The following IL1RAPL1 variants were observed in gnomAD, a reference collection of about 807,000 sequenced individuals.
IL1RAPL1 encodes the protein interleukin 1 receptor accessory protein like 1, also known as interleukin-1 receptor accessory protein-like 1.
Under a neutral mutation model 48.4 loss-of-function variants are expected in IL1RAPL1, and 3 were observed. That is an observed-to-expected ratio of 0.06 (90% CI 0.03 to 0.16). IL1RAPL1 has a LOEUF of 0.16. IL1RAPL1 is among the 10% of genes least tolerant of loss of function. IL1RAPL1 has a pLI of 1.00. For synonymous variants in IL1RAPL1, 185 were observed against 187.7 expected (o/e 0.99, Z 0.12); for missense variants, 349 against 530.6 (o/e 0.66, Z 3.36).
chrX:29,208,941 T>G (rs979001383), intron 2 of IL1RAPL1, among the ~76,000 whole-genome samples: 2 of 109,982 alleles, frequency 1.8e-5, no homozygotes, highest in Non-Finnish European at 3.8e-5. Flanking sequence ...ATTTTTCCCA[T>G]TTGACAATTG....
chrX:29,226,222 T>A (rs764501984), intron 2 of IL1RAPL1, among the ~76,000 whole-genome samples: 2 of 111,635 alleles, frequency 1.8e-5, no homozygotes, highest in Non-Finnish European at 3.8e-5. Flanking sequence ...TAGAATGATA[T>A]CTTTTCATAC....
chrX:29,294,922 A>G (rs1932427471), intron 3 of IL1RAPL1, among the ~76,000 whole-genome samples: 1 of 111,854 alleles, frequency 8.9e-6, no homozygotes, highest in African/African-American at 3.2e-5. Flanking sequence ...CTTCAATGCC[A>G]AGAAATATCA....
chrX:29,866,072 AC>A (rs1201244307), intron 6 of IL1RAPL1, among the ~76,000 whole-genome samples: 1 of 111,177 alleles, frequency 9.0e-6, no homozygotes, highest in Non-Finnish European at 1.9e-5. Context: ...AATATAGAGC[AC>A]TCTGCTTTGG....
intron 1 of IL1RAPL1, among the ~76,000 whole-genome samples, chrX:28,766,611 G>A (rs1412146406): frequency 3.6e-5 from 4 of 110,540 alleles, no homozygotes; most frequent in African/African-American, 1.3e-4. Context: ...CCACCCTGTT[G>A]TGCTATCACA....
chrX:29,688,330 C>G (rs937987783), intron 6 of IL1RAPL1, among the ~76,000 whole-genome samples: 27 of 110,966 alleles, frequency 2.4e-4, no homozygotes, highest in African/African-American at 8.2e-4. Flanking sequence ...CCGCACCAGT[C>G]CAACCTCTGC....
chrX:29,518,033 A>G (rs1935465497), intron 5 of IL1RAPL1, among the ~76,000 whole-genome samples: 1 of 111,744 alleles, frequency 8.9e-6, no homozygotes. Context: ...TATTCTGGCC[A>G]TATGACCTCT....
intron 1 of IL1RAPL1, among the ~76,000 whole-genome samples, chrX:28,697,577 A>C (rs1935248056): frequency 9.0e-6 from 1 of 111,694 alleles, no homozygotes; most frequent in Non-Finnish European, 1.9e-5. Context: ...TCCAGATGGA[A>C]GGACAGTTGT....
chrX:29,100,969 G>C (rs1350406281), intron 2 of IL1RAPL1, among the ~76,000 whole-genome samples: 1 of 111,718 alleles, frequency 9.0e-6, no homozygotes, highest in East Asian at 2.8e-4. Flanking sequence ...GGTATACAAT[G>C]GGTAGTTTTG....
At chrX:29,683,669 A>T (rs999142044) in intron 6 of IL1RAPL1, among the ~76,000 whole-genome samples, 6 of 112,282 alleles carry the variant, frequency 5.3e-5, no homozygotes, top group Middle Eastern at 4.7e-3. Flanking sequence ...TGTGCACAAC[A>T]TGCAATACTC....
At chrX:28,792,787 C>CA (rs1189410830) in intron 2 of IL1RAPL1, among the ~76,000 whole-genome samples, 3 of 9,723 alleles carry the variant, frequency 3.1e-4, no homozygotes, top group African/African-American at 8.6e-4. Context: ...GACTCCATCT[C>CA]AAAAAAAAAA....
At chrX:29,663,743 C>G (rs1203526556) in intron 5 of IL1RAPL1, among the ~76,000 whole-genome samples, 2 of 111,964 alleles carry the variant, frequency 1.8e-5, no homozygotes, top group Non-Finnish European at 3.8e-5. Context: ...ATTCTTAAAT[C>G]AGGGTCTAAA....
intron 5 of IL1RAPL1, among the ~76,000 whole-genome samples, chrX:29,506,437 T>TCA: frequency 1.2e-5 from 1 of 86,237 alleles, no homozygotes; most frequent in African/African-American, 4.5e-5. Flanking sequence ...CTCCTTCTCC[T>TCA]TCTCCTCCTC....
intron 8 of IL1RAPL1, among the ~76,000 whole-genome samples, chrX:29,923,713 G>A (rs953560448): frequency 8.9e-6 from 1 of 112,108 alleles, no homozygotes; most frequent in African/African-American, 3.2e-5. Flanking sequence ...AACACACACT[G>A]AACACTGACC....
chrX:29,129,588 A>ATTTTTTTT lies in IL1RAPL1; in HGVS notation c.83-153333_83-153326dup, dbSNP rs754196116. Among the ~76,000 whole-genome samples the ATTTTTTTT allele has an allele frequency of 7.4e-4, 44 of 59,856 alleles. 3 individuals are homozygous for ATTTTTTTT. Among genetic ancestry groups the ATTTTTTTT allele is most frequent in the Non-Finnish European group, 8.1e-4 (29 of 35,885 alleles). 52.0% of individuals were successfully genotyped at this position (59,856 alleles called of 115,157 possible). On this transcript the variant is annotated intron_variant, in intron 2 of 10. Transcript: ENST00000378993. The stretch of plus-strand genomic sequence containing the variant: ...AACTGTATATGCAGAAATAATGTAA[A>ATTTTTTTT]TTTTTTTTTTTTTTTTTTTTTTTTG...
chrX:29,044,196 C>A (rs1926904586), intron 2 of IL1RAPL1, among the ~76,000 whole-genome samples: 1 of 110,932 alleles, frequency 9.0e-6, no homozygotes, highest in African/African-American at 3.3e-5. Flanking sequence ...CTTTGGGAGG[C>A]CAAGGCAGGT....
At chrX:29,821,480 AAAC>A (rs1930618541) in intron 6 of IL1RAPL1, among the ~76,000 whole-genome samples, 1 of 110,714 alleles carries the variant, frequency 9.0e-6, no homozygotes, top group South Asian at 3.8e-4. Context: ...AAATAAAATA[AAAC>A]AACAACAACA....
At chrX:29,862,174 AAT>A (rs1225501336) in intron 6 of IL1RAPL1, among the ~76,000 whole-genome samples, 1 of 111,422 alleles carries the variant, frequency 9.0e-6, no homozygotes, top group Non-Finnish European at 1.9e-5. Flanking sequence ...AAAAAAAAAA[AAT>A]AAGAATAATC....
At chrX:29,415,634 C>T (rs950371548) in intron 5 of IL1RAPL1, among the ~76,000 whole-genome samples, 4 of 111,396 alleles carry the variant, frequency 3.6e-5, no homozygotes, top group Admixed American at 9.5e-5. Flanking sequence ...TTAGTCAGGA[C>T]GGTCTTGAAC....
At chrX:29,940,113 T>C (rs1278800928) in intron 8 of IL1RAPL1, among the ~76,000 whole-genome samples, 1 of 111,110 alleles carries the variant, frequency 9.0e-6, no homozygotes, top group Non-Finnish European at 1.9e-5. Flanking sequence ...TCTGCCCGCC[T>C]TGGCCTCCCA....
Sources: allele counts gnomAD v4.1 joint callset (sites outside exome capture counted in the v4.1 genomes callset), GRCh38; gene constraint gnomAD v4.1.1; transcripts MANE v1.5; gene names NCBI Gene and HGNC (gene_info 2026-07-23, HGNC 2026-07-21).